The following PPP2R5C variants were observed in gnomAD, a reference collection of about 807,000 sequenced individuals.
PPP2R5C encodes serine/threonine-protein phosphatase 2A 56 kDa regulatory subunit gamma isoform.
PPP2R5C carries 7 observed loss-of-function variants against 68.9 expected under a neutral mutation model. The ratio of observed to expected loss-of-function variants is 0.10; its 90% CI spans 0.06 to 0.19. The LOEUF is 0.19. Among genes scored for constraint, PPP2R5C ranks in the 10% least tolerant of loss-of-function variants. PPP2R5C has a pLI of 1.00. For synonymous variants in PPP2R5C, 210 were observed against 222.2 expected, an observed-to-expected ratio of 0.95 and a Z score of 0.49; for missense variants, 348 against 641.3, an observed-to-expected ratio of 0.54 and a Z score of 4.94.
intron 13 of PPP2R5C, among the ~76,000 whole-genome samples, chr14:101,921,722 T>C (rs917625066): frequency 6.6e-6 from 1 of 152,154 alleles, no homozygotes; most frequent in African/African-American, 2.4e-5. Flanking sequence ...TTTGAGATGA[T>C]GTGAGTGTTG....
rs73356862 is a variant in PPP2R5C, at chr14:101,835,499, C to T, written c.95-21187C>T. Among the ~76,000 whole-genome samples the T allele has an allele frequency of 0.092, 14,007 of 152,258 alleles. 754 individuals carry two copies. The highest frequency in any genetic ancestry group is 0.14 in the Admixed American group (2,173 of 15,300). ...GTCCCAGACGTTTGTTCAGAGGGCT[C>T]CTTCCCACTTGTCATCTGTAATACT... On this transcript the variant is annotated intron_variant, in intron 1 of 13. Transcript: ENST00000334743. This position sits in a 1 kb window ranked among gnomAD's most constrained non-coding sequence, Gnocchi z 5.0.
chr14:101,796,043 G>A (rs1461831845), intron 3 of PPP2R5C, among the ~76,000 whole-genome samples: 18 of 152,138 alleles, frequency 1.2e-4, no homozygotes, highest in Middle Eastern at 3.4e-3. Flanking sequence ...GGCTGGTCTC[G>A]AACTCCTGGG....
intron 2 of PPP2R5C, chr14:101,765,485 C>A (rs529141801): frequency 3.7e-6 from 2 of 540,942 alleles, no homozygotes; most frequent in South Asian, 4.9e-5. Flanking sequence ...TTTCCCTCTC[C>A]TCTCTCTCAG....
chr14:101,831,640 A>G (rs763568231), intron 1 of PPP2R5C: 4 of 638,822 alleles, frequency 6.3e-6, no homozygotes, highest in Admixed American at 2.1e-5. Context: ...TGACCCTTGA[A>G]CGTCACAAGT....
intron 2 of PPP2R5C, among the ~76,000 whole-genome samples, chr14:101,878,433 T>C (rs955248094): frequency 6.6e-6 from 1 of 152,194 alleles, no homozygotes; most frequent in Non-Finnish European, 1.5e-5. Flanking sequence ...GCTGCTGGGC[T>C]GACTGTCACT....
chr14:101,825,375 T>A lies in PPP2R5C; in HGVS notation c.94+15339T>A, dbSNP rs1422916090. ...GTCTTAGAAGTTACTGCTATGATTTTAGCCACTTAACTGGCTAGAACAGTT... is the reference window on the plus strand; with the variant it reads ...GTCTTAGAAGTTACTGCTATGATTTAAGCCACTTAACTGGCTAGAACAGTT... On this transcript the variant is annotated intron_variant, in intron 1 of 13. Transcript: ENST00000334743. The surrounding 1 kb of genome is among the most constrained non-coding windows in gnomAD (Gnocchi z 4.0). Among the ~76,000 whole-genome samples the A allele has an allele frequency of 2.0e-5, 3 of 152,204 alleles. No individual in the cohort carries two copies. Among genetic ancestry groups the A allele is most frequent in the Admixed American group, 2.0e-4 (3 of 15,290 alleles).
In PPP2R5C at chr14:101,916,979, G is replaced by A. The variant is rs202128736; in HGVS notation, c.1327-852G>A. Among the ~76,000 whole-genome samples the A allele has an allele frequency of 5.9e-5, 9 of 152,136 alleles. No homozygotes were observed. The East Asian group carries it at 1.7e-3, about 29-fold the overall frequency. The stretch of plus-strand genomic sequence containing the variant: ...ACACGACCACGCAGGACAAACAGGC[G>A]CCCCACACAGTTCCCAGCTCACAGC... On this transcript the variant is annotated intron_variant, in intron 12 of 13. Transcript: ENST00000334743. This position sits in a 1 kb window ranked among gnomAD's most constrained non-coding sequence, Gnocchi z 5.5.
chr14:101,765,747 T>TG, intron 2 of PPP2R5C: 1 of 149,502 alleles, frequency 6.7e-6, no homozygotes, highest in South Asian at 2.1e-4. Flanking sequence ...TTTTTTTTTT[T>TG]TTTTTTTTTT....
chr14:101,800,437 C>A (rs951842150), intron 3 of PPP2R5C, among the ~76,000 whole-genome samples: 1 of 152,066 alleles, frequency 6.6e-6, no homozygotes, highest in African/African-American at 2.4e-5. Context: ...ATGGTGCATG[C>A]CTGTAATCTC....
chr14:101,848,861 A>G (rs567683432), intron 1 of PPP2R5C, among the ~76,000 whole-genome samples: 1 of 152,380 alleles, frequency 6.6e-6, no homozygotes, highest in South Asian at 2.1e-4. Context: ...TTTGAAATAT[A>G]ACTCACATAC....
chr14:101,819,366 A>G (rs2039909648), intron 1 of PPP2R5C: 1 of 353,674 alleles, frequency 2.8e-6, no homozygotes, highest in Admixed American at 4.1e-5. Context: ...ACCAAGATCT[A>G]ATTTACCTCT....
intron 1 of PPP2R5C, among the ~76,000 whole-genome samples, chr14:101,841,699 G>A (rs1475866858): frequency 1.3e-5 from 2 of 152,208 alleles, no homozygotes; most frequent in East Asian, 1.9e-4. Flanking sequence ...AGAGAGTAAG[G>A]CAGAGGATCG....
intron 2 of PPP2R5C, among the ~76,000 whole-genome samples, chr14:101,785,571 T>A (rs2038053816): frequency 6.6e-6 from 1 of 152,134 alleles, no homozygotes; most frequent in Non-Finnish European, 1.5e-5. Flanking sequence ...CCCTCCTGCC[T>A]CCCTCTTGTA....
chr14:101,864,206 C>T (rs2042923671), intron 2 of PPP2R5C, among the ~76,000 whole-genome samples: 1 of 152,144 alleles, frequency 6.6e-6, no homozygotes, highest in Non-Finnish European at 1.5e-5. Flanking sequence ...CTCGTCTTAA[C>T]AGTCACAGAT....
chr14:101,804,809 TGACTATAGTC>T (rs2039011110), intron 3 of PPP2R5C, among the ~76,000 whole-genome samples: 1 of 152,094 alleles, frequency 6.6e-6, no homozygotes, highest in Non-Finnish European at 1.5e-5. Flanking sequence ...CACAACAGGG[TGACTATAGTC>T]AACAATAACT....
intron 8 of PPP2R5C, among the ~76,000 whole-genome samples, chr14:101,894,904 A>G (rs903265658): frequency 6.6e-6 from 1 of 152,212 alleles, no homozygotes; most frequent in Non-Finnish European, 1.5e-5. Flanking sequence ...CAACATATTG[A>G]ACTGATTATG....
intron 2 of PPP2R5C, among the ~76,000 whole-genome samples, chr14:101,773,955 G>T (rs1163357248): frequency 6.6e-6 from 1 of 152,208 alleles, no homozygotes; most frequent in Admixed American, 6.5e-5. Context: ...TCGGCCTTCC[G>T]AAGTGCTGGG....
At chr14:101,895,128 T>A (rs79061398) in intron 8 of PPP2R5C, among the ~76,000 whole-genome samples, 1 of 152,144 alleles carries the variant, frequency 6.6e-6, no homozygotes, top group South Asian at 2.1e-4. Flanking sequence ...CATTTTATGT[T>A]TATTAAAATA....
intron 2 of PPP2R5C, among the ~76,000 whole-genome samples, chr14:101,871,432 G>A (rs1335009610): frequency 2.0e-5 from 3 of 151,968 alleles, no homozygotes; most frequent in African/African-American, 2.4e-5. Context: ...TAGCAGAGAC[G>A]GGGTTTCTCA....
Sources: allele counts gnomAD v4.1 joint callset (sites outside exome capture counted in the v4.1 genomes callset), GRCh38; gene constraint gnomAD v4.1.1; non-coding constraint Gnocchi (gnomAD v3.1); transcripts MANE v1.5; gene names NCBI Gene and HGNC (gene_info 2026-07-23, HGNC 2026-07-21).